Variants in DNM3 observed in about 807,000 individuals in gnomAD.
The protein encoded by DNM3 is dynamin-3.
Under a neutral mutation model 101.6 loss-of-function variants are expected in DNM3, and 47 were observed. That is an observed-to-expected ratio of 0.46 (90% CI 0.37 to 0.59). The LOEUF (loss-of-function observed/expected upper bound fraction) is 0.59, where lower values mean the gene tolerates loss of function less well. DNM3 is among the 20% of genes least tolerant of loss of function. The pLI is 0.00. For missense variants in DNM3, 849 were observed against 1,085.7 expected (o/e 0.78, Z 3.06); for synonymous variants, 385 against 387.9 (o/e 0.99, Z 0.09).
intron 4 of DNM3, among the ~76,000 whole-genome samples, chr1:172,031,220 C>T (rs2048582475): frequency 1.3e-5 from 2 of 152,036 alleles, no homozygotes; most frequent in South Asian, 4.1e-4. Context: ...ACTATGTAGC[C>T]ATAAAAAGGA....
chr1:172,222,705 T>A (rs1353350233), intron 14 of DNM3, among the ~76,000 whole-genome samples: 1 of 152,134 alleles, frequency 6.6e-6, no homozygotes, highest in East Asian at 1.9e-4. Context: ...TTGAATTTTA[T>A]TATTGACAAT....
chr1:172,036,861 C>T (rs936956013), intron 6 of DNM3, among the ~76,000 whole-genome samples: 2 of 151,288 alleles, frequency 1.3e-5, no homozygotes, highest in Non-Finnish European at 3.0e-5. Flanking sequence ...AACAGGCAAC[C>T]TACAAAATGG....
chr1:171,978,616 G>T (rs571058129), intron 2 of DNM3, among the ~76,000 whole-genome samples: 1 of 152,174 alleles, frequency 6.6e-6, no homozygotes, highest in Non-Finnish European at 1.5e-5. Context: ...ACCAATAAAA[G>T]GCTTTAAACA....
At chr1:171,864,834 A>C (rs1353198833) in intron 1 of DNM3, 1 of 152,036 alleles carries the variant, frequency 6.6e-6, no homozygotes, top group Non-Finnish European at 1.5e-5. Context: ...TTTGCTTGCC[A>C]AAAATTTTCT....
chr1:172,055,655 T>C (rs1558494297), intron 10 of DNM3, among the ~76,000 whole-genome samples: 1 of 152,188 alleles, frequency 6.6e-6, no homozygotes, highest in Non-Finnish European at 1.5e-5. Flanking sequence ...ACAATGATTA[T>C]TGAATGAATA....
chr1:172,117,185 A>G (rs923958155), intron 13 of DNM3, among the ~76,000 whole-genome samples: 9 of 151,888 alleles, frequency 5.9e-5, no homozygotes, highest in African/African-American at 2.2e-4. Context: ...AGCCTGGGCA[A>G]CAAGAGCAAA....
At position 172,412,639 on chromosome 1, in the gene DNM3, T is replaced by C. The variant is rs774724316; in HGVS notation, c.*4798T>C. On this transcript the variant is annotated 3_prime_UTR_variant, in exon 21 of 21. Transcript: ENST00000627582. ...AGAAAAATCTCAAAGCCTGTATCGT[T>C]CTTGAAGGTCACATGTACCTATTGT... 2.6e-5 allele frequency: 26 copies of C among 985,718 alleles called. No homozygotes were observed. Among genetic ancestry groups the C allele is most frequent in the Non-Finnish European group, 3.1e-5 (26 of 829,916 alleles). 61.1% of individuals were successfully genotyped at this position (985,718 alleles called of 1,614,324 possible). A position where few individuals can be genotyped will look rare whatever the true frequency, so the allele number is the denominator to read the frequency against.
intron 5 of DNM3, among the ~76,000 whole-genome samples, chr1:172,032,745 G>A (rs1265091453): frequency 1.3e-5 from 2 of 151,924 alleles, no homozygotes; most frequent in African/African-American, 4.8e-5. Context: ...AACAGGAAAA[G>A]GAAGGAGTTT....
chr1:171,853,583 C>CT (rs933082639), intron 1 of DNM3, among the ~76,000 whole-genome samples: 1 of 152,060 alleles, frequency 6.6e-6, no homozygotes, highest in East Asian at 1.9e-4. Flanking sequence ...GTTTAGTTTC[C>CT]TTTTTTTATT....
At chr1:172,120,726 C>T (rs2056253090) in intron 13 of DNM3, among the ~76,000 whole-genome samples, 1 of 152,188 alleles carries the variant, frequency 6.6e-6, no homozygotes, top group African/African-American at 2.4e-5. Context: ...GAGCACTGTT[C>T]ATGTAAGGAA....
At chr1:172,386,379 C>A (rs1419578372) in intron 18 of DNM3, among the ~76,000 whole-genome samples, 1 of 152,112 alleles carries the variant, frequency 6.6e-6, no homozygotes, top group African/African-American at 2.4e-5. Flanking sequence ...CCATATTCAT[C>A]CTCTCCATTT....
intron 17 of DNM3, among the ~76,000 whole-genome samples, chr1:172,353,007 T>C (rs555068517): frequency 6.6e-6 from 1 of 152,210 alleles, no homozygotes; most frequent in Admixed American, 6.5e-5. Flanking sequence ...CCTCTGAGAT[T>C]ACTCTTCTTT....
intron 14 of DNM3, among the ~76,000 whole-genome samples, chr1:172,173,832 C>T (rs961863090): frequency 3.3e-5 from 5 of 151,558 alleles, no homozygotes; most frequent in African/African-American, 4.8e-5. Context: ...TTATATTTTG[C>T]GGTGAACATA....
chr1:172,286,072 A>G (rs899457444), intron 15 of DNM3, among the ~76,000 whole-genome samples: 1 of 150,546 alleles, frequency 6.6e-6, no homozygotes, highest in African/African-American at 2.4e-5. Flanking sequence ...AGTTATTTAT[A>G]TATATATATA....
At chr1:172,150,619 A>G (rs2148226178) in intron 14 of DNM3, among the ~76,000 whole-genome samples, 1 of 152,328 alleles carries the variant, frequency 6.6e-6, no homozygotes, top group Non-Finnish European at 1.5e-5. Flanking sequence ...CTCCATGGTT[A>G]CAGATGAGGA....
intron 1 of DNM3, among the ~76,000 whole-genome samples, chr1:171,842,075 A>T (rs1558150925): frequency 6.6e-6 from 1 of 151,832 alleles, no homozygotes; most frequent in Non-Finnish European, 1.5e-5. Context: ...ATACAAAGCC[A>T]TTTCCTCCCT....
chr1:172,141,104 C>T (rs1572691984), intron 14 of DNM3, among the ~76,000 whole-genome samples: 1 of 151,834 alleles, frequency 6.6e-6, no homozygotes, highest in Non-Finnish European at 1.5e-5. Flanking sequence ...TGAAATTAAA[C>T]CAAAGCAACT....
intron 15 of DNM3, among the ~76,000 whole-genome samples, chr1:172,259,113 CT>C (rs2062539850): frequency 1.3e-5 from 2 of 151,838 alleles, no homozygotes; most frequent in African/African-American, 4.8e-5. Flanking sequence ...TGAAAAGATA[CT>C]TGATATGATT....
chr1:172,261,929 G>A (rs1212142007), intron 15 of DNM3, among the ~76,000 whole-genome samples: 2 of 152,188 alleles, frequency 1.3e-5, no homozygotes, highest in Non-Finnish European at 2.9e-5. Context: ...GTGTGTATAA[G>A]TGATGCCCGT....
Sources: allele counts gnomAD v4.1 joint callset (sites outside exome capture counted in the v4.1 genomes callset), GRCh38; gene constraint gnomAD v4.1.1; transcripts MANE v1.5; gene names NCBI Gene and HGNC (gene_info 2026-07-23, HGNC 2026-07-21).